STK17B: variants seen among roughly 807,000 people sequenced by gnomAD.
STK17B encodes serine/threonine kinase 17b, also known as serine/threonine-protein kinase 17B.
STK17B carries 21 observed loss-of-function variants against 42.0 expected under a neutral mutation model. That is an observed-to-expected ratio of 0.50 (90% CI 0.35 to 0.72). The LOEUF (loss-of-function observed/expected upper bound fraction) is 0.72, where lower values mean the gene tolerates loss of function less well. STK17B is among the 30% of genes least tolerant of loss of function. The probability of loss-of-function intolerance (pLI) is 0.00; values close to 1 mark genes in which losing one functional copy is unlikely to be tolerated. For missense variants in STK17B, 349 were observed against 446.0 expected (o/e 0.78, Z 1.96); for synonymous variants, 143 against 148.4 (o/e 0.96, Z 0.26).
intron 4 of STK17B, 122 bp from the exon 5 acceptor site, chr2:196,143,808 C>CTCAATG: frequency 1.2e-6 from 1 of 842,192 alleles, no homozygotes; most frequent in Non-Finnish European, 1.6e-6. Context: ...AGTCATGCAT[C>CTCAATG]AAACATTTAC....
Position 196,137,353 on chromosome 2 carries a change from T to C in STK17B, c.*94A>G, listed in dbSNP as rs1699420730. On this transcript the variant is annotated 3_prime_UTR_variant, in exon 8 of 8. Coordinates refer to ENST00000263955, the MANE Select transcript of STK17B (RefSeq NM_004226.4). ...ATTCCATGGAAAAGTGCATTTACAA[T>C]ATAAACATGTCATATATGAAGCTAC... The C allele has an allele frequency of 7.5e-7, 1 of 1,329,482 alleles. No homozygotes were observed. Among genetic ancestry groups the C allele is most frequent in the East Asian group, 2.4e-5 (1 of 42,188 alleles). The allele number at this position is 1,329,482 out of a possible 1,614,324, so 82.4% of individuals were successfully genotyped here. A position where few individuals can be genotyped will look rare whatever the true frequency, so the allele number is the denominator to read the frequency against.
intron 3 of STK17B, among the ~76,000 whole-genome samples, chr2:196,155,781 G>C (rs561659081): frequency 4.3e-4 from 65 of 152,226 alleles, no homozygotes; most frequent in Middle Eastern, 3.4e-3. Context: ...AATATACTAG[G>C]TAACAAACCG....
At chr2:196,175,181 T>A (rs1354633078), upstream of STK17B, among the ~76,000 whole-genome samples, 7 of 148,112 alleles carry the variant, frequency 4.7e-5, no homozygotes, top group Admixed American at 1.3e-4. Flanking sequence ...CTTCCTTTTT[T>A]AATATTGTCT....
At chr2:196,168,861 G>C (rs192630647) in intron 1 of STK17B, among the ~76,000 whole-genome samples, 1 of 152,128 alleles carries the variant, frequency 6.6e-6, no homozygotes, top group African/African-American at 2.4e-5. Flanking sequence ...ACAAACTACA[G>C]TACTTAAACA....
chr2:196,145,792 T>C (rs769143295), intron 4 of STK17B, 119 bp downstream of exon 4: 117 of 958,456 alleles, frequency 1.2e-4, no homozygotes, highest in Non-Finnish European at 1.6e-4. Flanking sequence ...AGCACACCAG[T>C]GCAGTCTAGA....
chr2:196,140,583 T>TC (rs1699479662), intron 6 of STK17B, among the ~76,000 whole-genome samples: 1 of 147,976 alleles, frequency 6.8e-6, no homozygotes, highest in East Asian at 2.0e-4. Context: ...CTAGCTTTTT[T>TC]TTTTTTTTTT....
At chr2:196,146,766 T>C (rs1699582866) in intron 3 of STK17B, among the ~76,000 whole-genome samples, 2 of 152,112 alleles carry the variant, frequency 1.3e-5, no homozygotes. Flanking sequence ...ATGACAAACA[T>C]GTGAGGTACA....
chr2:196,158,235 C>G (rs1699764211), intron 2 of STK17B, among the ~76,000 whole-genome samples: 1 of 152,170 alleles, frequency 6.6e-6, no homozygotes, highest in Non-Finnish European at 1.5e-5. Context: ...GGGGACTACA[C>G]TGCTTGACTG....
intron 4 of STK17B, among the ~76,000 whole-genome samples, chr2:196,144,831 A>T (rs73989826): frequency 6.6e-6 from 1 of 152,160 alleles, no homozygotes; most frequent in Non-Finnish European, 1.5e-5. Context: ...GCAAAGAATT[A>T]TAACAGTCGC....
At chr2:196,168,221 G>A (rs963290460) in intron 1 of STK17B, among the ~76,000 whole-genome samples, 1 of 152,048 alleles carries the variant, frequency 6.6e-6, no homozygotes, top group African/African-American at 2.4e-5. Flanking sequence ...ACTATCCAAG[G>A]GCTGAAGTGT....
At chr2:196,138,185 A>G (rs1575169296) in intron 7 of STK17B, among the ~76,000 whole-genome samples, 1 of 152,172 alleles carries the variant, frequency 6.6e-6, no homozygotes, top group South Asian at 2.1e-4. Flanking sequence ...CCACTTCCAG[A>G]TATTTTTTCT....
chr2:196,175,661 A>C (rs1232114426), upstream of STK17B, among the ~76,000 whole-genome samples: 2 of 152,230 alleles, frequency 1.3e-5, no homozygotes, highest in Admixed American at 1.3e-4. Flanking sequence ...AACTAAATAC[A>C]GTATCAGTTT....
At chr2:196,152,399 C>G (rs4850668) in intron 3 of STK17B, among the ~76,000 whole-genome samples, 97,556 of 152,070 alleles carry the variant, frequency 0.64, 31,602 homozygotes, top group East Asian at 0.9. Context: ...GAGCCACCAC[C>G]CCCGGCCAAA....
intron 1 of STK17B, among the ~76,000 whole-genome samples, chr2:196,167,291 C>A (rs1481165321): frequency 1.3e-5 from 2 of 152,204 alleles, no homozygotes; most frequent in Non-Finnish European, 2.9e-5. Flanking sequence ...GTTTAAAGGG[C>A]AGCATCCTTT....
chr2:196,165,493 A>G (rs1309183137), intron 1 of STK17B: 4 of 152,244 alleles, frequency 2.6e-5, no homozygotes, highest in Non-Finnish European at 5.9e-5. Flanking sequence ...AAAATAAAAC[A>G]TATTAGACAT....
At chr2:196,163,974 G>A (rs573975702) in intron 1 of STK17B, among the ~76,000 whole-genome samples, 1 of 152,128 alleles carries the variant, frequency 6.6e-6, no homozygotes, top group African/African-American at 2.4e-5. Context: ...AGAAGTTTGA[G>A]GTTGCAGTGA....
At chr2:196,146,585 G>A (rs1264404339) in intron 3 of STK17B, among the ~76,000 whole-genome samples, 1 of 152,102 alleles carries the variant, frequency 6.6e-6, no homozygotes, top group East Asian at 1.9e-4. Flanking sequence ...AAATAAAACT[G>A]AATTGCTTTA....
intron 4 of STK17B, among the ~76,000 whole-genome samples, chr2:196,145,328 A>T (rs1214893985): frequency 6.6e-6 from 1 of 152,112 alleles, no homozygotes; most frequent in African/African-American, 2.4e-5. Context: ...TGCTCAAAAA[A>T]TGAGACACAG....
rs369106843 is a variant in STK17B at position 196,143,600 on chromosome 2, C to T, written c.567G>A (p.Ala189=). The change falls in exon 5 of 8, where the codon GCG becomes GCA. Residue 189 remains alanine, a synonymous_variant. Transcript: ENST00000263955. ...TTCCCATGATTTCCCGAAGTTCACACGCATGCCCTATTTTTCGAGACATTC... is the reference window on the plus strand; with the variant it reads ...TTCCCATGATTTCCCGAAGTTCACATGCATGCCCTATTTTTCGAGACATTC... ...DFGMSRKIGH[A]CELREIMGTP... is the part of the protein sequence containing the mutation. The T allele has an allele frequency of 1.4e-5, 23 of 1,608,402 alleles. No homozygotes were observed. Among genetic ancestry groups the T allele is most frequent in the African/African-American group, 5.4e-5 (4 of 74,518 alleles).
Sources: allele counts gnomAD v4.1 joint callset (sites outside exome capture counted in the v4.1 genomes callset), GRCh38; gene constraint gnomAD v4.1.1; transcripts MANE v1.5; gene names NCBI Gene and HGNC (gene_info 2026-07-23, HGNC 2026-07-21).